The following ZBED6 variants were observed in gnomAD, a reference collection of about 807,000 sequenced individuals.
ZBED6 encodes the protein zinc finger BED domain-containing protein 6.
In ZBED6, 40 loss-of-function variants were observed where a neutral mutation model predicts 58.4. The ratio of observed to expected loss-of-function variants is 0.68; its 90% confidence interval spans 0.53 to 0.89. The LOEUF is 0.89. Among genes scored for constraint, ZBED6 ranks in the 40% least tolerant of loss-of-function variants. ZBED6 has a pLI of 0.00. For synonymous variants in ZBED6, 439 were observed against 350.6 expected, an observed-to-expected ratio of 1.25 and a Z score of -2.82; for missense variants, 1,057 against 1,003.9, an observed-to-expected ratio of 1.05 and a Z score of -0.71.
chr1:203,841,349 T>G (rs1177072559), intron 11 of ZBED6, among the ~76,000 whole-genome samples: 1 of 152,096 alleles, frequency 6.6e-6, no homozygotes, highest in African/African-American at 2.4e-5. Flanking sequence ...TAGGGAGTGG[T>G]GATGACTCTT....
intron 3 of ZBED6, among the ~76,000 whole-genome samples, chr1:203,825,804 A>ATTTTT (rs200102832): frequency 2.7e-5 from 4 of 149,986 alleles, no homozygotes. Flanking sequence ...GTCACTTGTG[A>ATTTTT]TTTTTTTTTT....
chr1:203,803,698 T>G (rs530636532), intron 1 of ZBED6, among the ~76,000 whole-genome samples: 1 of 152,160 alleles, frequency 6.6e-6, no homozygotes, highest in Non-Finnish European at 1.5e-5. Context: ...GTCAAACCCC[T>G]GGGCTTAAGA....
Position 203,844,286 on chromosome 1 carries a change from C to T in ZBED6, c.*3742-2898C>T, listed in dbSNP as rs79115610. Among the ~76,000 whole-genome samples, 15 of 152,270 alleles carry T rather than the reference C, an allele frequency of 9.9e-5. 1 individual carries two copies. The East Asian group carries it at 2.9e-3, about 29-fold the overall frequency. On this transcript the variant is annotated intron_variant, in intron 11 of 16. Coordinates refer to ENST00000550078, the Ensembl canonical transcript of ZBED6. ...AAGCGATTCTCCTGTCTCAGCCTCC[C>T]GAGTAAATGGGATTACAGGCATGTG...
At position 203,847,061 on chromosome 1, in the gene ZBED6, T is replaced by G. The variant is rs892047852; in HGVS notation, c.*3742-123T>G. 1.5e-5 allele frequency: 16 copies of G among 1,089,384 alleles called. No homozygotes were observed. In the South Asian group the frequency reaches 2.3e-4, roughly 16 times the overall value. 67.5% of individuals were successfully genotyped at this position (1,089,384 alleles called of 1,614,324 possible). A position where few individuals can be genotyped will look rare whatever the true frequency, so the allele number is the denominator to read the frequency against. On this transcript the variant is annotated intron_variant, in intron 11 of 16. Transcript: ENST00000550078. ...GAAATAAATGTTACCCTTTTGATCCTTTTAATTGCCTGCTTAAATGATAGC... is the reference window on the plus strand; with the variant it reads ...GAAATAAATGTTACCCTTTTGATCCGTTTAATTGCCTGCTTAAATGATAGC...
exon 1 of ZBED6, chr1:203,800,462 A>G (rs1670221847): frequency 6.8e-7 from 1 of 1,480,500 alleles, no homozygotes. Context: ...TACTGCCTTA[A>G]TTTCTTTTTC....
exon 1 of ZBED6, chr1:203,799,201 T>G: frequency 9.2e-7 from 1 of 1,090,144 alleles, no homozygotes; most frequent in Non-Finnish European, 1.4e-6. Context: ...ATCCCTAGCT[T>G]CATTGTTTCT....
At chr1:203,842,059 A>T (rs1440822170) in intron 11 of ZBED6, among the ~76,000 whole-genome samples, 9 of 135,506 alleles carry the variant, frequency 6.6e-5, no homozygotes, top group Non-Finnish European at 1.1e-4. Context: ...GGGCAGAGAC[A>T]CTCCTCACTT....
chr1:203,818,811 T>C lies in ZBED6; in HGVS notation c.*2873+122T>C, dbSNP rs1677229181. On this transcript the variant is annotated intron_variant, in intron 3 of 16. Transcript: ENST00000550078. ...AAGGCTGAGTGCAGTGGCTCATGCC[T>C]GTAGTTCCAGCACTTTGGGAGGCTG... is the stretch of plus-strand genomic sequence containing the variant. 7 of 1,453,024 alleles carry C rather than the reference T, an allele frequency of 4.8e-6. No homozygotes were observed. The Admixed American group carries it at 1.5e-4, about 31-fold the overall frequency. 90.0% of individuals were successfully genotyped at this position (1,453,024 alleles called of 1,614,324 possible). A position where few individuals can be genotyped will look rare whatever the true frequency, so the allele number is the denominator to read the frequency against.
rs758440225 is a variant in ZBED6 at position 203,825,942 on chromosome 1, T to C, written c.*2874-2357T>C. ...TCAATTAGAAACAAAATCTAGCAAATGTATTAAACAGATCAAATAAATGTC... is the reference window on the plus strand; with the variant it reads ...TCAATTAGAAACAAAATCTAGCAAACGTATTAAACAGATCAAATAAATGTC... On this transcript the variant is annotated intron_variant, in intron 3 of 16. Transcript: ENST00000550078. Among the ~76,000 whole-genome samples the C allele has an allele frequency of 3.9e-5, 6 of 152,306 alleles. No homozygotes were observed. The South Asian group carries it at 1.2e-3, about 32-fold the overall frequency.
Position 203,842,121 on chromosome 1 carries a change from C to T in ZBED6, c.*3741+1747C>T, listed in dbSNP as rs573452603. On this transcript the variant is annotated intron_variant, in intron 11 of 16. Transcript: ENST00000550078. ...GGCGCTCCTCACTTCCCAGACTGGG[C>T]GGCTGGGCGGAAGGGCTCCTCACAT... 1.9e-3 allele frequency among the ~76,000 whole-genome samples: 280 copies of T among 149,064 alleles called. 2 individuals carry two copies. Among genetic ancestry groups the T allele is most frequent in the African/African-American group, 6.6e-3 (264 of 40,026 alleles).
chr1:203,833,738 TGA>T, intron 8 of ZBED6, 51 bp from the exon 9 acceptor site: 1 of 1,539,674 alleles, frequency 6.5e-7, no homozygotes, highest in Non-Finnish European at 8.9e-7. Context: ...TAGTAGTTAC[TGA>T]ATACAGAAAA....
exon 15 of ZBED6, chr1:203,850,540 A>G: frequency 1.2e-6 from 2 of 1,614,000 alleles, no homozygotes; most frequent in East Asian, 4.5e-5. Flanking sequence ...ACGTGAAGCC[A>G]TCTGTGGTTA....
intron 1 of ZBED6, chr1:203,805,868 C>T (rs1222241485): frequency 4.7e-6 from 4 of 850,108 alleles, no homozygotes; most frequent in Non-Finnish European, 7.9e-6. Context: ...ATCATGTCCA[C>T]TAGCTGGTCT....
intron 3 of ZBED6, among the ~76,000 whole-genome samples, chr1:203,826,040 T>G (rs745822289): frequency 6.6e-6 from 1 of 152,210 alleles, no homozygotes; most frequent in Non-Finnish European, 1.5e-5. Context: ...CCAGGAAAGA[T>G]GTAAAATTTA....
At chr1:203,802,642 T>C (rs888850547) in exon 1 of ZBED6, 6 of 152,326 alleles carry the variant, frequency 3.9e-5, no homozygotes, top group Admixed American at 3.3e-4. Flanking sequence ...TTTTAAATTA[T>C]ATTGTTCAGC....
chr1:203,828,521 G>A (rs1350916538), intron 4 of ZBED6, 99 bp downstream of exon 4: 15 of 1,379,172 alleles, frequency 1.1e-5, no homozygotes, highest in Non-Finnish European at 1.5e-5. Context: ...TCAGTCTTGT[G>A]AAACAGCAGA....
At chr1:203,828,148 T>C (rs1681168174) in intron 3 of ZBED6, 151 bp from the exon 4 acceptor site, 1 of 870,450 alleles carries the variant, frequency 1.1e-6, no homozygotes, top group African/African-American at 1.7e-5. Flanking sequence ...GTTATGTTAT[T>C]TTCAGCAATC....
At chr1:203,841,682 C>T (rs907496318) in intron 11 of ZBED6, among the ~76,000 whole-genome samples, 35 of 152,296 alleles carry the variant, frequency 2.3e-4, no homozygotes, top group African/African-American at 8.2e-4. Flanking sequence ...ACCTCCCAGA[C>T]GGGGTGGTGG....
At chr1:203,822,078 C>A (rs1284733174) in intron 3 of ZBED6, among the ~76,000 whole-genome samples, 1 of 152,086 alleles carries the variant, frequency 6.6e-6, no homozygotes, top group Non-Finnish European at 1.5e-5. Flanking sequence ...ATAATAGATA[C>A]ATAGTATTAC....
Sources: gnomAD v4.1 joint callset for allele counts (sites outside exome capture counted in the v4.1 genomes callset) on GRCh38, gnomAD v4.1.1 for gene constraint, MANE v1.5 for transcripts, NCBI Gene and HGNC (gene_info 2026-07-23, HGNC 2026-07-21) for gene names.